TCFL5: variants seen among roughly 807,000 people sequenced by gnomAD.
TCFL5 encodes the protein transcription factor-like 5 protein.
TCFL5 carries 9 observed loss-of-function variants against 44.3 expected under a neutral mutation model. That is an observed-to-expected ratio of 0.20 (90% CI 0.12 to 0.35). The LOEUF is 0.35. TCFL5 is among the 10% of genes least tolerant of loss of function. The probability of loss-of-function intolerance (pLI) is 1.00; values close to 1 mark genes in which losing one functional copy is unlikely to be tolerated. For missense variants in TCFL5, 603 were observed against 613.4 expected (o/e 0.98, Z 0.18); for synonymous variants, 319 against 271.6 (o/e 1.17, Z -1.72).
intron 5 of TCFL5, among the ~76,000 whole-genome samples, chr20:62,850,165 G>A (rs1224768429): frequency 1.3e-5 from 2 of 152,116 alleles, no homozygotes; most frequent in African/African-American, 4.8e-5. Flanking sequence ...ATGAAGGTTC[G>A]TGTCTATAAT....
intron 5 of TCFL5, chr20:62,845,617 G>A (rs1481296001): frequency 6.3e-7 from 1 of 1,592,536 alleles, no homozygotes; most frequent in African/African-American, 1.3e-5. Flanking sequence ...CCTCGGAGCT[G>A]GTCTCGGACT....
intron 5 of TCFL5, among the ~76,000 whole-genome samples, chr20:62,853,107 A>G (rs34976917): frequency 0.034 from 5,008 of 147,746 alleles, 293 homozygotes; most frequent in African/African-American, 0.12. Context: ...ACAGAAGCAT[A>G]GTCACCCGGT....
rs1411466537 is a variant in TCFL5 at position 62,860,272 on chromosome 20, C to G, written c.684G>C (p.Met228Ile). Residue 228 changes from methionine (M) to isoleucine (I), a missense_variant, in exon 2 of 6, where the codon ATG becomes ATC. Around this residue, in one of 4 missense-constraint regions of TCFL5, gnomAD observed 540 missense variants for 478.7 expected, o/e 1.13. Coordinates refer to ENST00000335351, the MANE Select transcript of TCFL5 (RefSeq NM_006602.4). ...VTLIRHPSELMNVPLQQQNKC... is the reference protein window; with the variant it reads ...VTLIRHPSELINVPLQQQNKC... ...TGTTTTGTTGCTGAAGAGGAACATT[C>G]ATTAGTTCAGATGGATGTCGAATGA... is the stretch of plus-strand genomic sequence containing the variant. 8 of 1,612,932 alleles carry G rather than the reference C, an allele frequency of 5.0e-6. No individual in the cohort carries two copies. The highest frequency in any genetic ancestry group is 5.9e-6 in the Non-Finnish European group (7 of 1,179,130).
Position 62,857,431 on chromosome 20 carries a change from C to A in TCFL5, c.1202G>T (p.Arg401Leu). 6.2e-7 allele frequency: 1 copy of A among 1,614,258 alleles called. No homozygotes were observed. Among genetic ancestry groups the A allele is most frequent in the Non-Finnish European group, 8.5e-7 (1 of 1,180,052 alleles). The change falls in exon 4 of 6, where the codon CGT becomes CTT. Residue 401 changes from arginine to leucine, a missense_variant. Arg to Leu is a moderately radical substitution (Grantham distance 102). Coordinates refer to ENST00000335351, the MANE Select transcript of TCFL5 (RefSeq NM_006602.4). The part of the protein sequence containing the change: ...QSGPQGGRSQ[R>L]RERHNRMERD... ...TTCCATTCGGTTATGCCTCTCCCTA[C>A]GTTGAGACCTTCCTCCCTGGGGCCC...
rs146691119 is a variant in TCFL5, at chr20:62,854,299, G to A, written c.1239-142C>T. On this transcript the variant is annotated intron_variant, in intron 4 of 5. Coordinates refer to ENST00000335351, the MANE Select transcript of TCFL5 (RefSeq NM_006602.4). ...TGCCACGGAAGCGCCTGTCACCACA[G>A]GAAGCCCCACGGCTTTGCCACGGCC... is the stretch of plus-strand genomic sequence containing the variant. 153 of 1,090,878 alleles carry A rather than the reference G, an allele frequency of 1.4e-4. 2 individuals carry two copies. The African/African-American group carries it at 2.2e-3, about 16-fold the overall frequency. The allele number at this position is 1,090,878 out of a possible 1,614,324, so 67.6% of individuals were successfully genotyped here.
intron 5 of TCFL5, among the ~76,000 whole-genome samples, chr20:62,843,662 T>C (rs940180769): frequency 5.3e-5 from 8 of 152,200 alleles, no homozygotes. Context: ...TGGAGCAGCG[T>C]GAAGTCCACT....
chr20:62,845,778 C>G (rs770234749), intron 5 of TCFL5: 11 of 1,605,500 alleles, frequency 6.9e-6, no homozygotes, highest in African/African-American at 6.7e-5. Context: ...CAAGGAAGAG[C>G]TGGAGAATGG....
Position 62,842,211 on chromosome 20 carries a change from G to T in TCFL5, c.1381-114C>A. The T allele has an allele frequency of 1.5e-6, 2 of 1,307,590 alleles. No individual in the cohort carries two copies. The highest frequency in any genetic ancestry group is 2.1e-6 in the Non-Finnish European group (2 of 955,148). 81.0% of individuals were successfully genotyped at this position (1,307,590 alleles called of 1,614,324 possible). On this transcript the variant is annotated intron_variant, in intron 5 of 5. Coordinates refer to ENST00000335351, the MANE Select transcript of TCFL5 (RefSeq NM_006602.4). The surrounding 1 kb of genome is among the most constrained non-coding windows in gnomAD (Gnocchi z 4.3). ...TAAGTAAATGACTTTAGAATACGCT[G>T]TTTTAAGGTGTCATTCACAAACTTG...
chr20:62,842,233 CT>C lies in TCFL5; in HGVS notation c.1381-137del. On this transcript the variant is annotated intron_variant, in intron 5 of 5. Coordinates refer to ENST00000335351, the MANE Select transcript of TCFL5 (RefSeq NM_006602.4). This position sits in a 1 kb window ranked among gnomAD's most constrained non-coding sequence, Gnocchi z 4.3. ...GCTGTTTTAAGGTGTCATTCACAAA[CT>C]TGTGTCTTACCTCACAAGGGGATTT... The C allele has an allele frequency of 8.8e-7, 1 of 1,138,196 alleles. No individual in the cohort carries two copies. The highest frequency in any genetic ancestry group is 1.2e-6 in the Non-Finnish European group (1 of 814,202). The allele number at this position is 1,138,196 out of a possible 1,614,324, so 70.5% of individuals were successfully genotyped here.
At chr20:62,860,067 A>C in intron 2 of TCFL5, 58 bp downstream of exon 2, 1 of 1,526,390 alleles carries the variant, frequency 6.6e-7, no homozygotes, top group Non-Finnish European at 8.9e-7. Flanking sequence ...AACCAAAATA[A>C]GTTAAAATTT....
rs1393264233 is a variant in TCFL5 at position 62,861,206 on chromosome 20, G to T, written c.465C>A (p.Asp155Glu). Residue 155 changes from aspartate to glutamate, a missense_variant, in exon 1 of 6, where the codon GAC becomes GAA. Transcript: ENST00000335351. The surrounding 1 kb of genome is among the most constrained non-coding windows in gnomAD (Gnocchi z 4.0). ...CGCCCGCGCCCTCCTTGGCGGCGCC[G>T]TCGGCCCGGGCCCTCGCTCCGTCCC... ...GGGDGARARADGAAKEGAGAA... is the reference protein window; with the variant it reads ...GGGDGARARAEGAAKEGAGAA... 9 of 1,057,444 alleles carry T rather than the reference G, an allele frequency of 8.5e-6. No individual in the cohort carries two copies. Among genetic ancestry groups the T allele is most frequent in the Non-Finnish European group, 1.0e-5 (9 of 879,562 alleles). The allele number at this position is 1,057,444 out of a possible 1,614,324, so 65.5% of individuals were successfully genotyped here. A position where few individuals can be genotyped will look rare whatever the true frequency, so the allele number is the denominator to read the frequency against.
intron 5 of TCFL5, among the ~76,000 whole-genome samples, chr20:62,848,670 G>A (rs926406684): frequency 2.0e-5 from 3 of 152,038 alleles, no homozygotes; most frequent in Non-Finnish European, 4.4e-5. Context: ...TCCAGGAGGC[G>A]GAGGTTGCAG....
chr20:62,855,565 G>A (rs559132053), intron 4 of TCFL5, among the ~76,000 whole-genome samples: 2 of 152,246 alleles, frequency 1.3e-5, no homozygotes, highest in African/African-American at 2.4e-5. Context: ...TGAGGAGTTC[G>A]AGACCAGCCT....
At chr20:62,860,963 C>T in intron 1 of TCFL5, 61 bp downstream of exon 1, 5 of 984,714 alleles carry the variant, frequency 5.1e-6, no homozygotes, top group Non-Finnish European at 6.0e-6. Context: ...TCCGCCCCGG[C>T]CCCGGCCCCG....
intron 5 of TCFL5, among the ~76,000 whole-genome samples, chr20:62,848,759 C>T (rs913054765): frequency 3.9e-5 from 6 of 152,006 alleles, no homozygotes; most frequent in Admixed American, 2.0e-4. Flanking sequence ...AACACTGGGC[C>T]GGGTGTGGTG....
rs769772681 is a variant in TCFL5 at position 62,841,993 on chromosome 20, G to C, written c.1485C>G (p.Pro495=). 1 of 1,614,144 alleles carries C rather than the reference G, an allele frequency of 6.2e-7. No individual in the cohort carries two copies. The highest frequency in any genetic ancestry group is 8.5e-7 in the Non-Finnish European group (1 of 1,180,024). The change falls in exon 6 of 6, where the codon CCC becomes CCG. Residue 495 remains proline, a synonymous_variant. Transcript: ENST00000335351. ...CPAQGSLQSS[P]SMEIK ...AGTCCGATCACTTGATCTCCATCGA[G>C]GGGCTGCTCTGTAAACTCCCCTGTG...
intron 2 of TCFL5, 73 bp downstream of exon 2, chr20:62,860,052 G>A: frequency 6.8e-7 from 1 of 1,464,296 alleles, no homozygotes; most frequent in Admixed American, 1.9e-5. Flanking sequence ...AAGTACTTGG[G>A]ACCTAACCAA....
At chr20:62,860,884 G>C (rs1360033058) in intron 1 of TCFL5, 140 bp downstream of exon 1, 1 of 691,540 alleles carries the variant, frequency 1.4e-6, no homozygotes, top group Non-Finnish European at 1.8e-6. Context: ...CCCCAGACCC[G>C]GTGAGGTCCG....
chr20:62,847,490 G>A (rs2063758435), intron 5 of TCFL5, among the ~76,000 whole-genome samples: 1 of 152,266 alleles, frequency 6.6e-6, no homozygotes, highest in Non-Finnish European at 1.5e-5. Context: ...AAAGACTCCA[G>A]CACGGCCCAG....
Sources: gnomAD v4.1 joint callset for allele counts (sites outside exome capture counted in the v4.1 genomes callset) on GRCh38, gnomAD v4.1.1 for gene constraint, gnomAD v4.1.1 regional missense constraint, Gnocchi (gnomAD v3.1) non-coding constraint, MANE v1.5 for transcripts, NCBI Gene and HGNC (gene_info 2026-07-23, HGNC 2026-07-21) for gene names.